PLAGL1: variants seen among roughly 807,000 people sequenced by gnomAD.
PLAGL1 encodes PLAG1 like zinc finger 1, also known as zinc finger protein PLAGL1.
Under a neutral mutation model 4.6 loss-of-function variants are expected in PLAGL1, and 1 was observed. That is an observed-to-expected ratio of 0.22 (90% CI 0.08 to 1.03). PLAGL1 has a LOEUF of 1.03. PLAGL1 is among the 50% of genes least tolerant of loss of function. PLAGL1 has a pLI of 0.58. For missense variants in PLAGL1, 464 were observed against 570.4 expected, an observed-to-expected ratio of 0.81 and a Z score of 1.90; for synonymous variants, 240 against 237.8, an observed-to-expected ratio of 1.01 and a Z score of -0.08.
At chr6:144,045,571 G>A (rs1190168266) in intron 1 of PLAGL1, among the ~76,000 whole-genome samples, 1 of 152,174 alleles carries the variant, frequency 6.6e-6, no homozygotes, top group Admixed American at 6.5e-5. Context: ...TTTGTCTGAT[G>A]GGCTTCCCTT....
At chr6:144,001,136 C>G (rs1792768496) in intron 1 of PLAGL1, among the ~76,000 whole-genome samples, 1 of 151,124 alleles carries the variant, frequency 6.6e-6, no homozygotes, top group South Asian at 2.1e-4. Context: ...ACTAAATGAG[C>G]CTGGAGCATC....
rs1244163265 is a variant in PLAGL1, at chr6:143,989,501, C to A, written c.-583-4327G>T. ...ATTCACCCCCTTTTCTTCCTGCCTGCCTGAGCTGGGACATCAGTCTCCTCC... is the reference window on the plus strand; with the variant it reads ...ATTCACCCCCTTTTCTTCCTGCCTGACTGAGCTGGGACATCAGTCTCCTCC... On this transcript the variant is annotated intron_variant, in intron 1 of 7. Transcript: ENST00000674357. The surrounding 1 kb of genome is among the most constrained non-coding windows in gnomAD (Gnocchi z 4.8). 6.6e-6 allele frequency among the ~76,000 whole-genome samples: 1 copy of A among 152,166 alleles called. No homozygotes were observed. The highest frequency in any genetic ancestry group is 1.5e-5 in the Non-Finnish European group (1 of 68,024).
intron 1 of PLAGL1, among the ~76,000 whole-genome samples, chr6:143,993,331 A>AACACACACACAC (rs746624620): frequency 0.024 from 3,389 of 142,282 alleles, 59 homozygotes; most frequent in East Asian, 0.062. Context: ...AACAAAACAA[A>AACACACACACAC]ACACACACAC....
At chr6:143,987,572 G>C (rs1421961812) in intron 1 of PLAGL1, among the ~76,000 whole-genome samples, 1 of 150,110 alleles carries the variant, frequency 6.7e-6, no homozygotes, top group Non-Finnish European at 1.5e-5. Flanking sequence ...TTAAAGGTGG[G>C]TAAGCAAAAG....
At chr6:144,062,487 A>C (rs865814295) in intron 1 of PLAGL1, among the ~76,000 whole-genome samples, 171 of 151,284 alleles carry the variant, frequency 1.1e-3, no homozygotes, top group African/African-American at 3.7e-3. Flanking sequence ...AAAAAAAAAA[A>C]AAAAAAAACA....
intron 1 of PLAGL1, among the ~76,000 whole-genome samples, chr6:143,988,896 C>T (rs945280621): frequency 6.6e-6 from 1 of 152,196 alleles, no homozygotes; most frequent in Non-Finnish European, 1.5e-5. Flanking sequence ...AATACCATTT[C>T]ATTAGGATTA....
At position 143,966,184 on chromosome 6, in the gene PLAGL1, T is replaced by C. The variant is rs368424368; in HGVS notation, c.-457A>G. 2 of 152,362 alleles carry C rather than the reference T, an allele frequency of 1.3e-5. No homozygotes were observed. Among genetic ancestry groups the C allele is most frequent in the South Asian group, 2.1e-4 (1 of 4,830 alleles). 9.4% of individuals were successfully genotyped at this position (152,362 alleles called of 1,614,324 possible). A position where few individuals can be genotyped will look rare whatever the true frequency, so the allele number is the denominator to read the frequency against. On this transcript the variant is annotated 5_prime_UTR_variant, in exon 4 of 8. An upstream start codon of the reference 5' UTR is lost. Transcript: ENST00000674357. The surrounding 1 kb of genome is among the most constrained non-coding windows in gnomAD (Gnocchi z 6.0). Reference sequence around the variant, plus strand: ...TGTTTGGAATTCTTCAATGGTCCCATTAGGTTTCTGTCGACTGCAACGAAA... The same window carrying C: ...TGTTTGGAATTCTTCAATGGTCCCACTAGGTTTCTGTCGACTGCAACGAAA...
rs1782993824 is a variant in PLAGL1 at position 143,959,893 on chromosome 6, T to C, written c.-325+576A>G. ...AGGTGTTCTGAACTAAGCCAAGTGC[T>C]CTTTCAACCTACGCTTTGCCATCCC... is the stretch of plus-strand genomic sequence containing the variant. On this transcript the variant is annotated intron_variant, in intron 6 of 7. Coordinates refer to ENST00000674357, the MANE Select transcript of PLAGL1 (RefSeq NM_001317162.2). The surrounding 1 kb of genome is among the most constrained non-coding windows in gnomAD (Gnocchi z 5.3). Among the ~76,000 whole-genome samples the C allele has an allele frequency of 6.6e-6, 1 of 152,198 alleles. No individual in the cohort carries two copies.
Position 143,964,012 on chromosome 6 carries a change from T to G in PLAGL1, c.-399+775A>C, listed in dbSNP as rs571029028. On this transcript the variant is annotated intron_variant, in intron 5 of 7. Coordinates refer to ENST00000674357, the MANE Select transcript of PLAGL1 (RefSeq NM_001317162.2). The surrounding 1 kb of genome is among the most constrained non-coding windows in gnomAD (Gnocchi z 4.3). ...ACCCAGAGAAGAAATTCTGCTGGAC[T>G]TCTGGGAGGCGAGAAGGAGAAGCAG... 1.8e-3 allele frequency among the ~76,000 whole-genome samples: 278 copies of G among 152,280 alleles called. No individual in the cohort carries two copies. Among genetic ancestry groups the G allele is most frequent in the African/African-American group, 6.3e-3 (263 of 41,536 alleles).
chr6:144,041,111 T>C (rs1263071737), intron 1 of PLAGL1, among the ~76,000 whole-genome samples: 2 of 152,034 alleles, frequency 1.3e-5, no homozygotes, highest in Non-Finnish European at 2.9e-5. Context: ...AAGTTAACAG[T>C]AGTAGTAGCC....
rs182154145 is a variant in PLAGL1 at position 144,061,123 on chromosome 6, G to C, written c.-151+3345C>G. ...GTACTGGGTGACAGTGTGAGTAGAA[G>C]AGTTGTAACAGACATGCATGATTAC... On this transcript the variant is annotated intron_variant, in intron 1 of 3. Transcript: ENST00000437412. This position sits in a 1 kb window ranked among gnomAD's most constrained non-coding sequence, Gnocchi z 4.4. Among the ~76,000 whole-genome samples the C allele has an allele frequency of 6.6e-6, 1 of 152,358 alleles. No individual in the cohort carries two copies. Among genetic ancestry groups the C allele is most frequent in the Non-Finnish European group, 1.5e-5 (1 of 68,036 alleles).
chr6:143,971,664 TG>T lies in PLAGL1; in HGVS notation c.-543-2687del, dbSNP rs1044737563. On this transcript the variant is annotated intron_variant, in intron 2 of 7. Coordinates refer to ENST00000674357, the MANE Select transcript of PLAGL1 (RefSeq NM_001317162.2). The surrounding 1 kb of genome is among the most constrained non-coding windows in gnomAD (Gnocchi z 4.7). Reference sequence around the variant, plus strand: ...CTTTTCACTAAGAAGCAAAGCTGTTTGTTTGCCTTTTCTGATAAGGAATTCA... The same window carrying T: ...CTTTTCACTAAGAAGCAAAGCTGTTTTTTGCCTTTTCTGATAAGGAATTCA... Among the ~76,000 whole-genome samples the T allele has an allele frequency of 6.6e-6, 1 of 152,244 alleles. No individual in the cohort carries two copies. Among genetic ancestry groups the T allele is most frequent in the African/African-American group, 2.4e-5 (1 of 41,464 alleles).
At chr6:144,042,831 G>C (rs1469082168) in intron 1 of PLAGL1, among the ~76,000 whole-genome samples, 1 of 152,154 alleles carries the variant, frequency 6.6e-6, no homozygotes, top group Non-Finnish European at 1.5e-5. Context: ...CCATTTGTTT[G>C]TGTTCTCTTT....
Position 143,971,288 on chromosome 6 carries a change from A to G in PLAGL1, c.-543-2310T>C, listed in dbSNP as rs1277405851. On this transcript the variant is annotated intron_variant, in intron 2 of 7. Transcript: ENST00000674357. The surrounding 1 kb of genome is among the most constrained non-coding windows in gnomAD (Gnocchi z 4.7). ...CCTCCCGCAATTCACAAATGTGTAA[A>G]CCTCTATTTTAAATTTTACCTCTAC... 3.9e-5 allele frequency among the ~76,000 whole-genome samples: 6 copies of G among 152,158 alleles called. No individual in the cohort carries two copies. The highest frequency in any genetic ancestry group is 1.4e-4 in the African/African-American group (6 of 41,438).
At chr6:143,986,515 T>C (rs1789207029) in intron 1 of PLAGL1, among the ~76,000 whole-genome samples, 1 of 152,108 alleles carries the variant, frequency 6.6e-6, no homozygotes, top group Non-Finnish European at 1.5e-5. Flanking sequence ...ACATATTCAA[T>C]TGAGCAGAGA....
rs2128552425 is a variant in PLAGL1, at chr6:143,959,294, C to G, written c.-325+1175G>C. 6.6e-6 allele frequency among the ~76,000 whole-genome samples: 1 copy of G among 152,260 alleles called. No homozygotes were observed. Among genetic ancestry groups the G allele is most frequent in the African/African-American group, 2.4e-5 (1 of 41,542 alleles). On this transcript the variant is annotated intron_variant, in intron 6 of 7. Transcript: ENST00000674357. The surrounding 1 kb of genome is among the most constrained non-coding windows in gnomAD (Gnocchi z 5.3). ...GACAAGGCCTGCTGTGTTAGCCACA[C>G]CCCACCTGTTCGCAGCCCATGGACT...
rs925219273 is a variant in PLAGL1, at chr6:143,989,584, G to C, written c.-583-4410C>G. Among the ~76,000 whole-genome samples, 1 of 152,174 alleles carries C rather than the reference G, an allele frequency of 6.6e-6. No individual in the cohort carries two copies. Among genetic ancestry groups the C allele is most frequent in the Non-Finnish European group, 1.5e-5 (1 of 68,034 alleles). On this transcript the variant is annotated intron_variant, in intron 1 of 7. Transcript: ENST00000674357. This position sits in a 1 kb window ranked among gnomAD's most constrained non-coding sequence, Gnocchi z 4.8. ...CTCTGCTTCTCAGGCGTTCAGCCTT[G>C]GACCAGAATCACACCACCAGCTTTC...
At chr6:143,943,766 G>A (rs1465857494) in intron 7 of PLAGL1, among the ~76,000 whole-genome samples, 3 of 152,232 alleles carry the variant, frequency 2.0e-5, no homozygotes, top group East Asian at 1.9e-4. Flanking sequence ...GGGACAAGCC[G>A]TAGTCTGTCT....
chr6:144,037,304 A>T (rs1797311017), intron 1 of PLAGL1: 1 of 155,004 alleles, frequency 6.5e-6, no homozygotes, highest in Non-Finnish European at 1.5e-5. Flanking sequence ...TAGGCCAGGC[A>T]CAGTGGCTCA....
Sources: gnomAD v4.1 joint callset for allele counts (sites outside exome capture counted in the v4.1 genomes callset) on GRCh38, gnomAD v4.1.1 for gene constraint, Gnocchi (gnomAD v3.1) non-coding constraint, MANE v1.5 for transcripts, NCBI Gene and HGNC (gene_info 2026-07-23, HGNC 2026-07-21) for gene names.